ABCA2: variants seen among roughly 807,000 people sequenced by gnomAD.
ABCA2 encodes the protein ATP-binding cassette sub-family A member 2.
Under a neutral mutation model 262.8 loss-of-function variants are expected in ABCA2, and 84 were observed. The ratio of observed to expected loss-of-function variants is 0.32; its 90% CI spans 0.27 to 0.38. The LOEUF (loss-of-function observed/expected upper bound fraction) is 0.38. Among genes scored for constraint, ABCA2 ranks in the 10% least tolerant of loss-of-function variants. ABCA2 has a pLI of 1.00. For synonymous variants in ABCA2, 1,696 were observed against 1,502.9 expected, an observed-to-expected ratio of 1.13 and a Z score of -2.97; for missense variants, 2,662 against 3,405.9, an observed-to-expected ratio of 0.78 and a Z score of 5.44.
At position 137,017,889 on chromosome 9, in the gene ABCA2, G is replaced by A. The variant is rs1004181569; in HGVS notation, c.2109C>T (p.Val703=). ...PCYTRDDFLF[V]IEHMMPLCMV... ...TGCACAGCGGCATCATGTGCTCAAT[G>A]ACAAACAGGAAGCTGCGGGGAGGCC... The change falls in exon 16 of 49, where the codon GTC becomes GTT. Residue 703 remains valine, a synonymous_variant. Transcript: ENST00000341511. 2 of 1,612,608 alleles carry A rather than the reference G, an allele frequency of 1.2e-6. No individual in the cohort carries two copies. The highest frequency in any genetic ancestry group is 1.7e-5 in the Admixed American group (1 of 60,016).
intron 19 of ABCA2, 90 bp from the exon 20 acceptor site, chr9:137,016,828 G>A (rs1023536136): frequency 2.1e-5 from 32 of 1,558,732 alleles, no homozygotes; most frequent in African/African-American, 5.4e-5. Flanking sequence ...GGAGCCACCC[G>A]TGCTGCATCC....
In ABCA2 at chr9:137,013,444, C is replaced by T. The variant is rs1257826842; in HGVS notation, c.4550+17G>A. ...ACTCGCCCCACCCACCAAGGCTGCC[C>T]CCGCTGGAGGCCTCACCGGTACTCG... On this transcript the variant is annotated intron_variant, in intron 29 of 48. Transcript: ENST00000341511. The T allele has an allele frequency of 6.3e-7, 1 of 1,593,054 alleles. No homozygotes were observed. The highest frequency in any genetic ancestry group is 8.5e-7 in the Non-Finnish European group (1 of 1,172,546).
At chr9:137,010,500 A>G (rs1830997077) in intron 40 of ABCA2, 120 bp downstream of exon 40, 1 of 1,261,488 alleles carries the variant, frequency 7.9e-7, no homozygotes, top group African/African-American at 2.0e-5. Flanking sequence ...CACCCCATGC[A>G]GGCCCCACCC....
intron 1 of ABCA2, among the ~76,000 whole-genome samples, chr9:137,026,898 G>A (rs1831670589): frequency 6.6e-6 from 1 of 152,218 alleles, no homozygotes; most frequent in Admixed American, 6.5e-5. Flanking sequence ...ACCCCACTCA[G>A]CCAGCTCCAG....
At position 137,011,241 on chromosome 9, in the gene ABCA2, G is replaced by A. The variant is rs925563806; in HGVS notation, c.5868C>T (p.His1956=). The change falls in exon 38 of 49, where the codon CAC becomes CAT. Residue 1956 remains histidine (H), a synonymous_variant. Coordinates refer to ENST00000341511, the MANE Select transcript of ABCA2 (RefSeq NM_001606.5). This position sits in a 1 kb window ranked among gnomAD's most constrained non-coding sequence, Gnocchi z 8.8. ...FLIFPNYNLG[H]GLMEMAYNEY... is the part of the protein sequence containing the mutation. ...CGTTGTAGGCCATCTCCATGAGCCC[G>A]TGGCCCAGGTTGTAGTTGGGGAAAA... 1.1e-5 allele frequency: 18 copies of A among 1,612,406 alleles called. No individual in the cohort carries two copies. The highest frequency in any genetic ancestry group is 1.6e-4 in the Middle Eastern group (1 of 6,082).
Position 137,019,347 on chromosome 9 carries a change from C to A in ABCA2, c.1426-41G>T, listed in dbSNP as rs1365203200. ...CAGGGGCATGGAGTTTCTGGACGGA[C>A]CCCCACCGACTTGGGGGCTCTCACC... On this transcript the variant is annotated intron_variant, in intron 10 of 48. Coordinates refer to ENST00000341511, the MANE Select transcript of ABCA2 (RefSeq NM_001606.5). This position sits in a 1 kb window ranked among gnomAD's most constrained non-coding sequence, Gnocchi z 4.4. 3.2e-5 allele frequency: 52 copies of A among 1,601,288 alleles called. No homozygotes were observed. Among genetic ancestry groups the A allele is most frequent in the African/African-American group, 4.0e-5 (3 of 74,682 alleles).
chr9:137,012,956 A>G, intron 30 of ABCA2, 31 bp from the exon 31 acceptor site: 2 of 1,482,302 alleles, frequency 1.3e-6, no homozygotes, highest in Non-Finnish European at 1.8e-6. Context: ...GGTGAGAAGG[A>G]CCCCTCACTG....
At position 137,008,500 on chromosome 9, in the gene ABCA2, G is replaced by T. The variant is rs937763000; in HGVS notation, c.7191C>A (p.Pro2397=). The T allele has an allele frequency of 6.3e-7, 1 of 1,581,178 alleles. No homozygotes were observed. The highest frequency in any genetic ancestry group is 1.2e-5 in the South Asian group (1 of 86,898). The stretch of plus-strand genomic sequence containing the variant: ...CTGCCACAAGTGCCCGGAGCTCCGT[G>T]GGGGCAGACCGGGGCCGGAGCAGGC... The part of the protein sequence containing the change: ...LLSLLRPRSA[P]TELRALVADE... The change falls in exon 48 of 49, where the codon CCC becomes CCA. Residue 2397 remains proline (P), a synonymous_variant. Transcript: ENST00000341511.
chr9:137,017,729 G>T, intron 16 of ABCA2, 37 bp from the exon 17 acceptor site: 1 of 1,608,838 alleles, frequency 6.2e-7, no homozygotes, highest in Non-Finnish European at 8.5e-7. Flanking sequence ...AGGCCCCGGG[G>T]AGGACGCCGC....
In ABCA2 at chr9:137,028,160, G is replaced by A; in HGVS notation, c.-20C>T. Reference sequence around the variant, plus strand: ...GCCCATGGCGGGGCCACGCTCCGCCGCCTCAGCGCCGCGGCCCGCTCCTCT... The same window carrying A: ...GCCCATGGCGGGGCCACGCTCCGCCACCTCAGCGCCGCGGCCCGCTCCTCT... On this transcript the variant is annotated 5_prime_UTR_variant, in exon 1 of 49. Coordinates refer to ENST00000341511, the MANE Select transcript of ABCA2 (RefSeq NM_001606.5). This position sits in a 1 kb window ranked among gnomAD's most constrained non-coding sequence, Gnocchi z 6.9. The A allele has an allele frequency of 3.1e-6, 3 of 981,508 alleles. No individual in the cohort carries two copies. Among genetic ancestry groups the A allele is most frequent in the Non-Finnish European group, 3.6e-6 (3 of 828,438 alleles). 60.8% of individuals were successfully genotyped at this position (981,508 alleles called of 1,614,324 possible).
chr9:137,025,984 G>T (rs1209628198), intron 1 of ABCA2, among the ~76,000 whole-genome samples: 1 of 152,118 alleles, frequency 6.6e-6, no homozygotes, highest in Non-Finnish European at 1.5e-5. Flanking sequence ...CCTTCACATC[G>T]CCTGGAGGCC....
chr9:137,026,342 G>A (rs538484949), intron 1 of ABCA2, among the ~76,000 whole-genome samples: 23 of 152,326 alleles, frequency 1.5e-4, no homozygotes, highest in African/African-American at 4.8e-4. Flanking sequence ...ATGGCACACA[G>A]GGCAAACCTC....
At chr9:137,015,327 G>T (rs1288684868) in intron 24 of ABCA2, 87 bp downstream of exon 24, 11 of 1,434,958 alleles carry the variant, frequency 7.7e-6, no homozygotes, top group Non-Finnish European at 8.4e-6. Flanking sequence ...GTGACGGTGA[G>T]GGCCCAGCCT....
At position 137,010,723 on chromosome 9, in the gene ABCA2, G is replaced by C; in HGVS notation, c.6071C>G (p.Ser2024Cys). The change falls in exon 40 of 49, where the codon TCT becomes TGT. Residue 2024 changes from serine to cysteine, a missense_variant. Ser to Cys is a moderately radical substitution (Grantham distance 112, BLOSUM62 -1). Coordinates refer to ENST00000341511, the MANE Select transcript of ABCA2 (RefSeq NM_001606.5). ...CACATCATCCTCCACAGGCTTGGTA[G>C]ACACAGGCATGCGCCTTGGGGGACA... ...FLRRPQRMPV[S>C]TKPVEDDVDV... The C allele has an allele frequency of 6.2e-7, 1 of 1,612,526 alleles. No individual in the cohort carries two copies. The highest frequency in any genetic ancestry group is 8.5e-7 in the Non-Finnish European group (1 of 1,179,832).
Position 137,018,371 on chromosome 9 carries a change from G to A in ABCA2, c.1820-20C>T. 1 of 1,575,976 alleles carries A rather than the reference G, an allele frequency of 6.3e-7. No homozygotes were observed. Among genetic ancestry groups the A allele is most frequent in the Non-Finnish European group, 8.6e-7 (1 of 1,167,392 alleles). ...TCACACCTGGGGCCGGGAGGTTGGG[G>A]CGGGGCCAAGATGCAGGGGCGGGAC... is the stretch of plus-strand genomic sequence containing the variant. On this transcript the variant is annotated intron_variant, in intron 13 of 48. Coordinates refer to ENST00000341511, the MANE Select transcript of ABCA2 (RefSeq NM_001606.5).
In ABCA2 at chr9:137,008,418, G is replaced by T; in HGVS notation, c.7273C>A (p.Arg2425=). The change falls in exon 48 of 49, where the codon CGG becomes AGG. Residue 2425 remains arginine (R), a splice_region_variant and synonymous_variant. Coordinates refer to ENST00000341511, the MANE Select transcript of ABCA2 (RefSeq NM_001606.5). ...AGCCATGAGAGCAGCCTGCTCACCC[G>T]CTCCTCCTCGAAGCTGATGAGGCCC... ...DEGLISFEEE[R]AQLSFNTDTL... 6.5e-7 allele frequency: 1 copy of T among 1,550,024 alleles called. No individual in the cohort carries two copies. The highest frequency in any genetic ancestry group is 8.7e-7 in the Non-Finnish European group (1 of 1,147,224).
rs1473768930 is a variant in ABCA2, at chr9:137,017,770, A to G, written c.2211+17T>C. 1.2e-6 allele frequency: 2 copies of G among 1,611,404 alleles called. No individual in the cohort carries two copies. The highest frequency in any genetic ancestry group is 1.7e-6 in the Non-Finnish European group (2 of 1,179,216). ...CCTGCCAGCCCGCGCCTCCAGGGAG[A>G]GTCCCGGCCCGCGCACCTCCTTGAG... On this transcript the variant is annotated intron_variant, in intron 16 of 48. Transcript: ENST00000341511.
intron 40 of ABCA2, 21 bp downstream of exon 40, chr9:137,010,599 C>T: frequency 1.0e-5 from 16 of 1,556,662 alleles, no homozygotes; most frequent in Non-Finnish European, 1.3e-5. Context: ...CCAGGCCCCA[C>T]CCTACATGCC....
chr9:137,013,018 C>A lies in ABCA2; in HGVS notation c.4851G>T (p.Pro1617=). 1 of 1,466,678 alleles carries A rather than the reference C, an allele frequency of 6.8e-7. No homozygotes were observed. The highest frequency in any genetic ancestry group is 2.1e-5 in the Admixed American group (1 of 47,454). The allele number at this position is 1,466,678 out of a possible 1,614,324, so 90.9% of individuals were successfully genotyped here. Reference sequence around the variant, plus strand: ...AACCACTACCTGGCCCAGCGGTGGGCGGCAGGGAGACGTTCCAGGCCTGCA... The same window carrying A: ...AACCACTACCTGGCCCAGCGGTGGGAGGCAGGGAGACGTTCCAGGCCTGCA... ...EDLQAWNVSL[P]PTAGPEMWTS... is the part of the protein sequence containing the mutation. The change falls in exon 30 of 49, where the codon CCG becomes CCT. Residue 1617 remains proline, a synonymous_variant. Coordinates refer to ENST00000341511, the MANE Select transcript of ABCA2 (RefSeq NM_001606.5).
Sources: allele counts gnomAD v4.1 joint callset (sites outside exome capture counted in the v4.1 genomes callset), GRCh38; gene constraint gnomAD v4.1.1; non-coding constraint Gnocchi (gnomAD v3.1); transcripts MANE v1.5; gene names NCBI Gene and HGNC (gene_info 2026-07-23, HGNC 2026-07-21).